Variants in UGT1A9 observed in about 807,000 individuals in gnomAD.
The protein encoded by UGT1A9 is UDP-glucuronosyltransferase 1A9.
A neutral mutation model predicts 45.0 loss-of-function variants in UGT1A9; 35 were observed. That is an observed-to-expected ratio of 0.78 (90% CI 0.59 to 1.03). The LOEUF is 1.03. Ranked by LOEUF, UGT1A9 falls within the 50% of genes least tolerant of loss-of-function variation. The pLI is 0.00. For missense variants in UGT1A9, 687 were observed against 666.6 expected (o/e 1.03, Z -0.34); for synonymous variants, 278 against 250.6 (o/e 1.11, Z -1.03).
At chr2:233,678,289 G>A (rs2074413554) in intron 1 of UGT1A9, among the ~76,000 whole-genome samples, 1 of 152,172 alleles carries the variant, frequency 6.6e-6, no homozygotes, top group Admixed American at 6.5e-5. Context: ...ACCTGCACAT[G>A]TACTCCTGAA....
chr2:233,707,090 G>A (rs2075940449), intron 1 of UGT1A9, among the ~76,000 whole-genome samples: 1 of 152,098 alleles, frequency 6.6e-6, no homozygotes, highest in African/African-American at 2.4e-5. Flanking sequence ...CACTTTGCAT[G>A]GCAGCTGAGG....
chr2:233,674,301 G>A (rs560021290), intron 1 of UGT1A9, among the ~76,000 whole-genome samples: 55 of 152,186 alleles, frequency 3.6e-4, no homozygotes, highest in African/African-American at 1.3e-3. Flanking sequence ...CATGACTTTC[G>A]GATCTTCACA....
At chr2:233,761,962 G>A (rs1257423083) in intron 1 of UGT1A9, among the ~76,000 whole-genome samples, 1 of 152,228 alleles carries the variant, frequency 6.6e-6, no homozygotes, top group Non-Finnish European at 1.5e-5. Flanking sequence ...CCATTAAGGG[G>A]ACTGATATCA....
intron 1 of UGT1A9, among the ~76,000 whole-genome samples, chr2:233,739,812 GT>G (rs957981819): frequency 5.3e-5 from 8 of 152,020 alleles, no homozygotes; most frequent in African/African-American, 1.9e-4. Context: ...GGCATGATTG[GT>G]TTTTAAATGT....
At chr2:233,743,090 T>C in intron 1 of UGT1A9, 1 of 347,048 alleles carries the variant, frequency 2.9e-6, no homozygotes, top group South Asian at 2.3e-5. Context: ...TGTTTATAAA[T>C]TCTTGGGTAC....
chr2:233,687,509 G>A (rs1242887907), intron 1 of UGT1A9, among the ~76,000 whole-genome samples: 2 of 150,958 alleles, frequency 1.3e-5, no homozygotes, highest in Non-Finnish European at 2.9e-5. Context: ...GAGGCACAGA[G>A]GGGTTGAGTG....
intron 1 of UGT1A9, among the ~76,000 whole-genome samples, chr2:233,675,835 A>T (rs1230851345): frequency 1.3e-5 from 2 of 152,196 alleles, no homozygotes; most frequent in African/African-American, 2.4e-5. Flanking sequence ...ATCACTGAAC[A>T]ATTCATTTAA....
chr2:233,749,921 T>C (rs1694306476), intron 1 of UGT1A9, among the ~76,000 whole-genome samples: 1 of 151,948 alleles, frequency 6.6e-6, no homozygotes. Flanking sequence ...TGTGAGTCAA[T>C]TAAAGCTCTT....
Position 233,672,555 on chromosome 2 carries a change from A to G in UGT1A9, c.621A>G (p.Val207=). ...ATGCCATGACTTTCAAGGAGAGAGT[A>G]CGGAACCACATCATGCACTTGGAGG... The part of the protein sequence containing the change: ...FSDAMTFKER[V]RNHIMHLEEH... The change falls in exon 1 of 5, where the codon GTA becomes GTG. Residue 207 remains valine (V), a synonymous_variant. Transcript: ENST00000354728. The G allele has an allele frequency of 6.2e-7, 1 of 1,613,944 alleles. No individual in the cohort carries two copies. Among genetic ancestry groups the G allele is most frequent in the African/African-American group, 1.3e-5 (1 of 75,026 alleles).
rs1393468196 is a variant in UGT1A9 at position 233,724,983 on chromosome 2, G to A, written c.856-42051G>A. Among the ~76,000 whole-genome samples, 3 of 134,836 alleles carry A rather than the reference G, an allele frequency of 2.2e-5. 1 individual carries two copies. The highest frequency in any genetic ancestry group is 9.1e-5 in the African/African-American group (3 of 32,964). The allele number at this position is 134,836 out of a possible 152,430, so 88.5% of individuals were successfully genotyped here. A position where few individuals can be genotyped will look rare whatever the true frequency, so the allele number is the denominator to read the frequency against. On this transcript the variant is annotated intron_variant, in intron 1 of 4. Transcript: ENST00000354728. ...AGGCCGAGGTTGGCGGATCACTCGC[G>A]GTTAGGGGCTGGAGACCGGCCCGGC...
chr2:233,772,614 C>T lies in UGT1A9; in HGVS notation c.*55C>T, dbSNP rs1700539224. ...GAACCATTCCCTAGTCATTTCCAAA[C>T]TTGAAAACAGAATCAGTGTTAAATT... On this transcript the variant is annotated 3_prime_UTR_variant, in exon 5 of 5. Transcript: ENST00000354728. The T allele has an allele frequency of 1.3e-6, 2 of 1,575,828 alleles. No homozygotes were observed. The highest frequency in any genetic ancestry group is 1.7e-6 in the Non-Finnish European group (2 of 1,159,834).
chr2:233,672,199 G>A lies in UGT1A9; in HGVS notation c.265G>A (p.Glu89Lys), dbSNP rs1230012228. The A allele has an allele frequency of 9.3e-6, 15 of 1,614,160 alleles. No individual in the cohort carries two copies. The highest frequency in any genetic ancestry group is 1.2e-5 in the Non-Finnish European group (14 of 1,180,002). The change falls in exon 1 of 5, where the codon GAG (glutamate) becomes AAG (lysine). Residue 89 changes from glutamate (E) to lysine (K), a missense_variant. By Grantham distance (56) the Glu-to-Lys change is moderately conservative. Transcript: ENST00000354728. The part of the protein sequence containing the change: ...TSYTLEDLDR[E>K]FKAFAHAQWK... ...ATATACCCTGGAGGATCTGGACCGGGAGTTCAAGGCTTTTGCCCATGCTCA... is the reference window on the plus strand; with the variant it reads ...ATATACCCTGGAGGATCTGGACCGGAAGTTCAAGGCTTTTGCCCATGCTCA...
intron 1 of UGT1A9, among the ~76,000 whole-genome samples, chr2:233,709,895 C>A (rs942785587): frequency 5.3e-5 from 8 of 152,240 alleles, no homozygotes; most frequent in African/African-American, 1.7e-4. Flanking sequence ...TCTGTCCTAT[C>A]TCAGTCACCT....
At chr2:233,753,630 C>T (rs897661378) in intron 1 of UGT1A9, 6 of 152,296 alleles carry the variant, frequency 3.9e-5, no homozygotes, top group Middle Eastern at 3.4e-3. Flanking sequence ...GGGCATAACC[C>T]GTGCCAACAC....
chr2:233,688,694 G>A (rs997687629), intron 1 of UGT1A9, among the ~76,000 whole-genome samples: 3 of 152,096 alleles, frequency 2.0e-5, no homozygotes, highest in Non-Finnish European at 2.9e-5. Flanking sequence ...AATATTAAAC[G>A]TCCTTCATTG....
At chr2:233,692,917 G>A in intron 1 of UGT1A9, 2 of 1,565,222 alleles carry the variant, frequency 1.3e-6, no homozygotes, top group Admixed American at 1.9e-5. Flanking sequence ...GTGAAAAGCA[G>A]TGGTTAGTTT....
intron 1 of UGT1A9, chr2:233,739,100 G>C (rs1263190228): frequency 6.6e-6 from 1 of 152,274 alleles, no homozygotes; most frequent in African/African-American, 2.4e-5. Context: ...TCGATGTGGT[G>C]TTGGGCCTGC....
At position 233,747,921 on chromosome 2, in the gene UGT1A9, G is replaced by A. The variant is rs1693813476; in HGVS notation, c.856-19113G>A. The A allele has an allele frequency of 2.2e-5, 36 of 1,613,276 alleles. 2 individuals are homozygous for A. The South Asian group carries it at 4.0e-4, about 18-fold the overall frequency. ...TGCTCCTTATGCAAGCCTTGCCTCT[G>A]AGCTTTTTCAGAGGGAGGTGTCAGT... On this transcript the variant is annotated intron_variant, in intron 1 of 4. Coordinates refer to ENST00000354728, the MANE Select transcript of UGT1A9 (RefSeq NM_021027.3).
At chr2:233,747,014 C>T (rs774665109) in intron 1 of UGT1A9, among the ~76,000 whole-genome samples, 7 of 151,838 alleles carry the variant, frequency 4.6e-5, no homozygotes, top group Non-Finnish European at 1.0e-4. Context: ...TAGGAGTGAT[C>T]GGTCTTTCCC....
Sources: gnomAD v4.1 joint callset for allele counts (sites outside exome capture counted in the v4.1 genomes callset) on GRCh38, gnomAD v4.1.1 for gene constraint, MANE v1.5 for transcripts, NCBI Gene and HGNC (gene_info 2026-07-23, HGNC 2026-07-21) for gene names.